Variants in UCHL5 observed in about 807,000 individuals in gnomAD.
UCHL5 encodes the protein ubiquitin carboxyl-terminal hydrolase isozyme L5.
In UCHL5, 34 loss-of-function variants were observed where a neutral mutation model predicts 53.8. The observed-to-expected ratio is 0.63, with a 90% CI of 0.48 to 0.84. The LOEUF (loss-of-function observed/expected upper bound fraction) is 0.84. UCHL5 is among the 40% of genes least tolerant of loss of function. The pLI, the probability that UCHL5 is intolerant of heterozygous loss-of-function variation, is 0.00. For synonymous variants in UCHL5, 111 were observed against 126.3 expected (o/e 0.88, Z 0.81); for missense variants, 290 against 385.6 (o/e 0.75, Z 2.08).
Position 193,051,809 on chromosome 1 carries a change from C to T in UCHL5, c.85G>A (p.Gly29Arg). The T allele has an allele frequency of 1.3e-6, 2 of 1,590,868 alleles. No individual in the cohort carries two copies. The highest frequency in any genetic ancestry group is 1.7e-6 in the Non-Finnish European group (2 of 1,169,582). The part of the protein sequence containing the change: ...TELIKGFGCR[G>R]AQVEEIWSLE... ...CTCCATATTTCTTCTACTTGGGCTCCTCGGCAACCTGAAATAATAAATTAT... is the reference window on the plus strand; with the variant it reads ...CTCCATATTTCTTCTACTTGGGCTCTTCGGCAACCTGAAATAATAAATTAT... Residue 29 changes from glycine (G) to arginine (R), a missense_variant, in exon 2 of 11, where the codon GGA becomes AGA. Transcript: ENST00000367454.
At chr1:193,016,437 GT>G in intron 10 of UCHL5, 42 bp from the exon 11 acceptor site, 1 of 1,563,914 alleles carries the variant, frequency 6.4e-7, no homozygotes. Flanking sequence ...TTAAAAGTCA[GT>G]TTTAGACTAT....
intron 6 of UCHL5, 73 bp downstream of exon 6, chr1:193,029,106 A>G: frequency 6.5e-7 from 1 of 1,544,754 alleles, no homozygotes; most frequent in Non-Finnish European, 8.7e-7. Flanking sequence ...TTTAAGCAGC[A>G]CTGAATGAGG....
chr1:193,055,146 C>T (rs1000553659), intron 1 of UCHL5, among the ~76,000 whole-genome samples: 10 of 152,172 alleles, frequency 6.6e-5, no homozygotes, highest in Admixed American at 4.6e-4. Flanking sequence ...TGTTTCTGCA[C>T]GTCTTCTGCA....
chr1:193,059,518 G>C, upstream of UCHL5: 6 of 1,581,852 alleles, frequency 3.8e-6, no homozygotes, highest in South Asian at 4.5e-5. The surrounding 1 kb of genome is among the most constrained non-coding windows in gnomAD (Gnocchi z 4.9). Context: ...GCTGGGGCCT[G>C]AGAAGAAAGG....
Position 193,016,187 on chromosome 1 carries a change from G to A in UCHL5, c.*164C>T. Reference sequence around the variant, plus strand: ...TATGCACTACATGCACATGATGCAGGTAGGGAAGAAGTTTATGAATCCATG... The same window carrying A: ...TATGCACTACATGCACATGATGCAGATAGGGAAGAAGTTTATGAATCCATG... On this transcript the variant is annotated 3_prime_UTR_variant, in exon 11 of 11. Transcript: ENST00000367454. 1 of 704,980 alleles carries A rather than the reference G, an allele frequency of 1.4e-6. No individual in the cohort carries two copies. The highest frequency in any genetic ancestry group is 2.4e-6 in the Non-Finnish European group (1 of 418,344). 43.7% of individuals were successfully genotyped at this position (704,980 alleles called of 1,614,324 possible). A position where few individuals can be genotyped will look rare whatever the true frequency, so the allele number is the denominator to read the frequency against.
chr1:193,019,959 T>G (rs1166210647), intron 10 of UCHL5: 1 of 983,340 alleles, frequency 1.0e-6, no homozygotes, highest in Non-Finnish European at 1.2e-6. Flanking sequence ...ACATTTGATA[T>G]GATTAATAAC....
chr1:193,023,771 ATATT>A (rs1005556883), intron 8 of UCHL5, 69 bp downstream of exon 8: 4 of 1,114,748 alleles, frequency 3.6e-6, no homozygotes, highest in Non-Finnish European at 5.2e-6. Flanking sequence ...GATTATATAT[ATATT>A]TAAAGTAAAT....
At chr1:193,056,600 C>G (rs898880359) in intron 1 of UCHL5, among the ~76,000 whole-genome samples, 6 of 152,186 alleles carry the variant, frequency 3.9e-5, no homozygotes, top group African/African-American at 1.4e-4. Flanking sequence ...TACAGTTCTG[C>G]TCCACCAGTT....
intron 3 of UCHL5, among the ~76,000 whole-genome samples, chr1:193,046,694 A>G (rs1485784188): frequency 6.8e-6 from 1 of 147,658 alleles, no homozygotes; most frequent in Non-Finnish European, 1.5e-5. Flanking sequence ...TTAAATTTAT[A>G]TATAAATTTA....
chr1:193,053,939 G>A (rs559212679), intron 1 of UCHL5, among the ~76,000 whole-genome samples: 19 of 150,580 alleles, frequency 1.3e-4, no homozygotes, highest in African/African-American at 4.4e-4. Flanking sequence ...TGTATAGAAT[G>A]TATAAATTAC....
intron 3 of UCHL5, among the ~76,000 whole-genome samples, chr1:193,037,276 A>G (rs1663877686): frequency 6.6e-6 from 1 of 152,072 alleles, no homozygotes; most frequent in Non-Finnish European, 1.5e-5. Context: ...GACGATCCAA[A>G]TAAATAAAAT....
intron 2 of UCHL5, among the ~76,000 whole-genome samples, chr1:193,050,953 T>G (rs569596251): frequency 6.6e-6 from 1 of 152,126 alleles, no homozygotes; most frequent in Non-Finnish European, 1.5e-5. Context: ...AAATGATCCA[T>G]TTTTAATTAA....
chr1:193,043,543 G>T (rs1272148550), intron 3 of UCHL5, among the ~76,000 whole-genome samples: 2 of 152,150 alleles, frequency 1.3e-5, no homozygotes, highest in African/African-American at 4.8e-5. Context: ...TTTGCCCTTG[G>T]TTCCTGGGAG....
intron 9 of UCHL5, 122 bp downstream of exon 9, chr1:193,022,801 TCAA>T (rs1657617434): frequency 1.8e-6 from 1 of 548,200 alleles, no homozygotes; most frequent in African/African-American, 2.0e-5. Flanking sequence ...GATAAGAGAA[TCAA>T]CAAATTATTT....
intron 1 of UCHL5, chr1:193,057,517 A>G (rs1176348298): frequency 6.6e-6 from 1 of 152,232 alleles, no homozygotes; most frequent in Non-Finnish European, 1.5e-5. Context: ...AGAGATGTCT[A>G]GCTTCTCTCA....
intron 1 of UCHL5, among the ~76,000 whole-genome samples, chr1:193,058,230 CA>C (rs1004922121): frequency 2.0e-5 from 3 of 151,112 alleles, no homozygotes; most frequent in African/African-American, 4.9e-5. Context: ...CTGTCTCAAA[CA>C]AAAAAAAGAA....
intron 7 of UCHL5, among the ~76,000 whole-genome samples, chr1:193,026,974 G>C (rs1200461225): frequency 1.3e-5 from 2 of 152,172 alleles, no homozygotes; most frequent in Non-Finnish European, 2.9e-5. Context: ...GAAATAAACT[G>C]AGTGAAAAAG....
chr1:193,017,431 GAGCA>G (rs1655246010), intron 10 of UCHL5, among the ~76,000 whole-genome samples: 1 of 151,630 alleles, frequency 6.6e-6, no homozygotes, highest in Non-Finnish European at 1.5e-5. Flanking sequence ...GAATGAATAA[GAGCA>G]AATAGTCTGT....
At chr1:193,039,939 A>G (rs947274531) in intron 3 of UCHL5, among the ~76,000 whole-genome samples, 3 of 152,164 alleles carry the variant, frequency 2.0e-5, no homozygotes, top group African/African-American at 4.8e-5. Context: ...AAACTGGATA[A>G]CCATTGCAGA....
Sources: allele counts gnomAD v4.1 joint callset (sites outside exome capture counted in the v4.1 genomes callset), GRCh38; gene constraint gnomAD v4.1.1; non-coding constraint Gnocchi (gnomAD v3.1); transcripts MANE v1.5; gene names NCBI Gene and HGNC (gene_info 2026-07-23, HGNC 2026-07-21).